Variants in ARSG observed in about 807,000 individuals in gnomAD.
ARSG encodes arylsulfatase G.
ARSG carries 37 observed loss-of-function variants against 50.5 expected under a neutral mutation model. That is an observed-to-expected ratio of 0.73 (90% CI 0.56 to 0.96). The LOEUF is 0.96. Ranked by LOEUF, ARSG falls within the 50% of genes least tolerant of loss-of-function variation. The pLI is 0.00. For missense variants in ARSG, 629 were observed against 675.3 expected, an observed-to-expected ratio of 0.93 and a Z score of 0.76; for synonymous variants, 225 against 254.6, an observed-to-expected ratio of 0.88 and a Z score of 1.11.
At chr17:68,336,855 C>CAAAT (rs1158778957) in intron 2 of ARSG, among the ~76,000 whole-genome samples, 13 of 151,702 alleles carry the variant, frequency 8.6e-5, no homozygotes, top group Admixed American at 3.3e-4. Flanking sequence ...GACTCTGTCT[C>CAAAT]AAATAAATAA....
intron 6 of ARSG, among the ~76,000 whole-genome samples, chr17:68,360,081 C>CT (rs2079211048): frequency 6.6e-6 from 1 of 152,176 alleles, no homozygotes; most frequent in African/African-American, 2.4e-5. Flanking sequence ...TTAATGCCCC[C>CT]TCCGAAGTGG....
rs192151669 is a variant in ARSG, at chr17:68,384,678, G to C, written c.983-386G>C. 3.7e-3 allele frequency among the ~76,000 whole-genome samples: 567 copies of C among 152,262 alleles called. 3 individuals are homozygous for C. Among genetic ancestry groups the C allele is most frequent in the African/African-American group, 0.013 (528 of 41,562 alleles). ...AGTCACATTATGATCACCAGGAAGA[G>C]AAATTCACTTACTCAACAAAGATTT... On this transcript the variant is annotated intron_variant, in intron 8 of 11. Coordinates refer to ENST00000621439, the MANE Select transcript of ARSG (RefSeq NM_001267727.2).
intron 1 of ARSG, among the ~76,000 whole-genome samples, chr17:68,273,558 AG>A (rs1484461444): frequency 6.6e-6 from 1 of 152,174 alleles, no homozygotes; most frequent in Non-Finnish European, 1.5e-5. Flanking sequence ...TAGGCCCCCA[AG>A]AATAAGTCTG....
intron 9 of ARSG, 98 bp from the exon 10 acceptor site, chr17:68,394,975 G>C (rs576418972): frequency 1.2e-5 from 19 of 1,543,138 alleles, no homozygotes; most frequent in Middle Eastern, 1.8e-4. Context: ...AGAGGCTGTG[G>C]GTGCTTGCTC....
chr17:68,433,344 G>T, the ARSG span: 2 of 929,330 alleles, frequency 2.2e-6, no homozygotes, highest in Non-Finnish European at 3.3e-6. Context: ...CATCACTTAG[G>T]TGAAGTCCCA....
chr17:68,307,681 A>T lies in ARSG; in HGVS notation c.188A>T (p.Asn63Ile). ...ANWAETKDTA[N>I]LDKMASEGMR... Reference sequence around the variant, plus strand: ...TGGGCAGAAACAAAGGACACTGCCAACCTTGATAAGATGGCTTCGGAGGGA... The same window carrying T: ...TGGGCAGAAACAAAGGACACTGCCATCCTTGATAAGATGGCTTCGGAGGGA... The change falls in exon 2 of 12, where the codon AAC (asparagine) becomes ATC (isoleucine). Residue 63 changes from asparagine to isoleucine, a missense_variant. By Grantham distance (149) the Asn-to-Ile change is moderately radical. Transcript: ENST00000621439. 1 of 1,600,508 alleles carries T rather than the reference A, an allele frequency of 6.2e-7. No individual in the cohort carries two copies. Among genetic ancestry groups the T allele is most frequent in the South Asian group, 1.1e-5 (1 of 90,790 alleles).
chr17:68,426,159 G>A (rs144020430), downstream of ARSG: 315 of 1,591,480 alleles, frequency 2.0e-4, 1 homozygote, highest in African/African-American at 6.8e-5. Flanking sequence ...GCAGCGCCCC[G>A]CCGTCCTCAG....
At chr17:68,371,211 T>C (rs1236309107) in intron 8 of ARSG, among the ~76,000 whole-genome samples, 1 of 150,318 alleles carries the variant, frequency 6.7e-6, no homozygotes, top group African/African-American at 2.5e-5. Flanking sequence ...TCCCAGCTAC[T>C]CAGGAGGCTG....
Position 68,293,384 on chromosome 17 carries a change from T to TA in ARSG, c.-552+1822dup, listed in dbSNP as rs143840604. 4.5e-3 allele frequency among the ~76,000 whole-genome samples: 678 copies of TA among 152,212 alleles called. 2 individuals are homozygous for TA. The highest frequency in any genetic ancestry group is 0.014 in the Middle Eastern group (4 of 294). On this transcript the variant is annotated intron_variant, in intron 1 of 11. Coordinates refer to ENST00000621439, the MANE Select transcript of ARSG (RefSeq NM_001267727.2). ...ATCTCTGTACTTCAGTCTCTTGATT[T>TA]AAAAAATGACTCAAATTATACCTAA...
intron 1 of ARSG, chr17:68,270,748 G>A: frequency 2.7e-6 from 3 of 1,106,514 alleles, no homozygotes; most frequent in Non-Finnish European, 1.3e-6. Context: ...ATATAAAACG[G>A]CAGTAAGTTT....
Position 68,306,369 on chromosome 17 carries a change from G to A in ARSG, c.-551-574G>A, listed in dbSNP as rs574445767. On this transcript the variant is annotated intron_variant, in intron 1 of 11. Transcript: ENST00000621439. ...GATTGTGCCATTGCACTCCAGCCTG[G>A]GTGACAGAGTGAGACTCAGTCTCAA... Among the ~76,000 whole-genome samples the A allele has an allele frequency of 2.9e-4, 44 of 152,156 alleles. No homozygotes were observed. The South Asian group carries it at 4.0e-3, about 14-fold the overall frequency.
intron 11 of ARSG, among the ~76,000 whole-genome samples, chr17:68,411,256 CATTTAGTGCT>C (rs2081984094): frequency 6.6e-6 from 1 of 152,164 alleles, no homozygotes; most frequent in African/African-American, 2.4e-5. Flanking sequence ...CTCTTGTGGG[CATTTAGTGCT>C]ATAAATTTCC....
chr17:68,288,242 C>T (rs540328063), upstream of ARSG, among the ~76,000 whole-genome samples: 14 of 152,120 alleles, frequency 9.2e-5, no homozygotes, highest in East Asian at 1.9e-4. Context: ...CCTTGTGATC[C>T]GCCCGCCTCA....
chr17:68,404,997 G>T (rs749058792), intron 11 of ARSG, among the ~76,000 whole-genome samples: 1 of 152,124 alleles, frequency 6.6e-6, no homozygotes, highest in African/African-American at 2.4e-5. Flanking sequence ...GATCATACAT[G>T]TGAGGGATAA....
the ARSG span, among the ~76,000 whole-genome samples, chr17:68,439,859 T>C: frequency 6.6e-6 from 1 of 152,204 alleles, no homozygotes; most frequent in Non-Finnish European, 1.5e-5. Context: ...CAAGCCTTCG[T>C]TTCTTACTTC....
In ARSG at chr17:68,399,916, T is replaced by A. The variant is rs1381614520; in HGVS notation, c.1213-1444T>A. 6.6e-6 allele frequency among the ~76,000 whole-genome samples: 1 copy of A among 152,200 alleles called. No individual in the cohort carries two copies. Among genetic ancestry groups the A allele is most frequent in the African/African-American group, 2.4e-5 (1 of 41,452 alleles). Reference sequence around the variant, plus strand: ...GAAGAGGCTTGGCTTTCTGCAGGGATGGAAGAAGTGAGGGTTTTCAGTTAC... The same window carrying A: ...GAAGAGGCTTGGCTTTCTGCAGGGAAGGAAGAAGTGAGGGTTTTCAGTTAC... On this transcript the variant is annotated intron_variant, in intron 10 of 11. Transcript: ENST00000621439. This position sits in a 1 kb window ranked among gnomAD's most constrained non-coding sequence, Gnocchi z 4.6.
chr17:68,293,118 T>C (rs2076077274), intron 1 of ARSG, among the ~76,000 whole-genome samples: 1 of 152,208 alleles, frequency 6.6e-6, no homozygotes, highest in South Asian at 2.1e-4. Context: ...TTTTGAGTTG[T>C]TCTTCAAAGG....
At chr17:68,270,268 C>T (rs1568403139) in intron 1 of ARSG, among the ~76,000 whole-genome samples, 1 of 152,024 alleles carries the variant, frequency 6.6e-6, no homozygotes, top group Non-Finnish European at 1.5e-5. Flanking sequence ...CAGAAAAAGC[C>T]TGGGTTGGCG....
At chr17:68,432,784 G>A in the ARSG span, among the ~76,000 whole-genome samples, 5 of 152,056 alleles carry the variant, frequency 3.3e-5, no homozygotes, top group Non-Finnish European at 5.9e-5. Context: ...TTTTCAAAGC[G>A]CTCTTTCTCT....
Sources: gnomAD v4.1 joint callset for allele counts (sites outside exome capture counted in the v4.1 genomes callset) on GRCh38, gnomAD v4.1.1 for gene constraint, Gnocchi (gnomAD v3.1) non-coding constraint, MANE v1.5 for transcripts, NCBI Gene and HGNC (gene_info 2026-07-23, HGNC 2026-07-21) for gene names.